KMT2C: variants seen among roughly 807,000 people sequenced by gnomAD.
KMT2C encodes histone-lysine N-methyltransferase 2C.
KMT2C carries 88 observed loss-of-function variants against 507.9 expected under a neutral mutation model. The observed-to-expected ratio is 0.17, with a 90% CI of 0.15 to 0.21. KMT2C has a LOEUF of 0.21. Among genes scored for constraint, KMT2C ranks in the 10% least tolerant of loss-of-function variants. KMT2C has a pLI of 1.00. For synonymous variants in KMT2C, 2,049 were observed against 2,080.8 expected (o/e 0.98, Z 0.42); for missense variants, 4,954 against 5,957.8 (o/e 0.83, Z 5.55).
chr7:152,227,953 G>C lies in KMT2C; in HGVS notation c.2976+1970C>G, dbSNP rs562111940. 2.6e-5 allele frequency among the ~76,000 whole-genome samples: 4 copies of C among 152,246 alleles called. No individual in the cohort carries two copies. In the East Asian group the frequency reaches 7.7e-4, roughly 29 times the overall value. On this transcript the variant is annotated intron_variant, in intron 18 of 58. Transcript: ENST00000262189. ...CAGAAAGGCCAAGTCTTAAGTATAG[G>C]GTTAAATTAATGCTAGGACCGCAGC...
rs1022475394 is a variant in KMT2C at position 152,176,635 on chromosome 7, G to T, written c.8818C>A (p.Pro2940Thr). 14 of 1,614,182 alleles carry T rather than the reference G, an allele frequency of 8.7e-6. No homozygotes were observed. Among genetic ancestry groups the T allele is most frequent in the Non-Finnish European group, 1.2e-5 (14 of 1,180,034 alleles). ...SDIRPSGSPP[P>T]PTLPASPSNH... ...GATGGGGAGGCCGGCAGAGTTGGTG[G>T]TGGTGGAGACCCCGATGGCCTAATG... Residue 2940 changes from proline (P) to threonine (T), a missense_variant, in exon 38 of 59, where the codon CCA becomes ACA. Around this residue, in one of 29 missense-constraint regions of KMT2C, gnomAD observed 1,689 missense variants for 1,654.3 expected, o/e 1.02. Coordinates refer to ENST00000262189, the MANE Select transcript of KMT2C (RefSeq NM_170606.3).
intron 6 of KMT2C, among the ~76,000 whole-genome samples, chr7:152,304,679 C>T (rs1315580546): frequency 6.6e-6 from 1 of 152,074 alleles, no homozygotes; most frequent in Non-Finnish European, 1.5e-5. Flanking sequence ...TACTCAGCTA[C>T]ATAATAAAGG....
intron 1 of KMT2C, among the ~76,000 whole-genome samples, chr7:152,372,616 T>C (rs1381972522): frequency 6.6e-6 from 1 of 152,130 alleles, no homozygotes; most frequent in Non-Finnish European, 1.5e-5. Context: ...AAATAGACTT[T>C]GAGTCAAAAA....
rs1371480454 is a variant in KMT2C at position 152,163,415 on chromosome 7, T to A, written c.10162A>T (p.Asn3388Tyr). ...GPPPRVEFDDNNPFSESFQER... is the reference protein window; with the variant it reads ...GPPPRVEFDDYNPFSESFQER... ...TGAAAACTTTCACTAAAGGGATTGT[T>A]GTCATCAAATTCTACCCGAGGTGGT... is the stretch of plus-strand genomic sequence containing the variant. The change falls in exon 43 of 59, where the codon AAC (asparagine) becomes TAC (tyrosine). Residue 3388 changes from asparagine to tyrosine, a missense_variant. Asn to Tyr is a moderately radical substitution (Grantham distance 143). This residue lies in a region of KMT2C where 801 missense variants were observed against 751.2 expected (regional missense o/e 1.07). Transcript: ENST00000262189. 1 of 1,614,134 alleles carries A rather than the reference T, an allele frequency of 6.2e-7. No individual in the cohort carries two copies. The highest frequency in any genetic ancestry group is 8.5e-7 in the Non-Finnish European group (1 of 1,180,064).
intron 1 of KMT2C, among the ~76,000 whole-genome samples, chr7:152,385,671 A>T (rs1484519880): frequency 6.7e-6 from 1 of 148,508 alleles, no homozygotes; most frequent in Non-Finnish European, 1.5e-5. Flanking sequence ...TTACCTGAAC[A>T]TAGAATATGA....
At chr7:152,315,419 T>G in intron 3 of KMT2C, 81 bp from the exon 4 acceptor site, 1 of 974,030 alleles carries the variant, frequency 1.0e-6, no homozygotes, top group African/African-American at 1.6e-5. Flanking sequence ...TAGATACTTG[T>G]GCTTTTAAAT....
At chr7:152,391,167 A>AG (rs2097492881) in intron 1 of KMT2C, among the ~76,000 whole-genome samples, 1 of 144,674 alleles carries the variant, frequency 6.9e-6, no homozygotes, top group Non-Finnish European at 1.5e-5. Context: ...AAAAAAAAAA[A>AG]GCCTTAAAAT....
intron 23 of KMT2C, among the ~76,000 whole-genome samples, chr7:152,219,520 AG>A (rs1306606359): frequency 6.6e-6 from 1 of 152,028 alleles, no homozygotes; most frequent in Non-Finnish European, 1.5e-5. Flanking sequence ...CTGAGGCAGA[AG>A]GATCACTTGA....
chr7:152,209,061 A>C (rs2094386187), intron 23 of KMT2C, among the ~76,000 whole-genome samples: 1 of 151,846 alleles, frequency 6.6e-6, no homozygotes, highest in Admixed American at 6.6e-5. Flanking sequence ...CAGGAGGCTG[A>C]GGCAGGAGAA....
intron 1 of KMT2C, among the ~76,000 whole-genome samples, chr7:152,391,167 A>AAAAAAAAAT (rs2097492772): frequency 6.9e-6 from 1 of 144,674 alleles, no homozygotes; most frequent in Non-Finnish European, 1.5e-5. Context: ...AAAAAAAAAA[A>AAAAAAAAAT]GCCTTAAAAT....
chr7:152,427,891 T>G (rs914449972), intron 1 of KMT2C, among the ~76,000 whole-genome samples: 26 of 152,200 alleles, frequency 1.7e-4, no homozygotes, highest in African/African-American at 6.3e-4. Flanking sequence ...ATTCCTCCTT[T>G]GCAGTGACTG....
At position 152,138,550 on chromosome 7, in the gene KMT2C, G is replaced by A. The variant is rs1379592290; in HGVS notation, c.14643+246C>T. Reference sequence around the variant, plus strand: ...ACCACCTGGGTGCCATGGGGATGCTGAACCCGTGGCACAGAAGGGAAGGGA... The same window carrying A: ...ACCACCTGGGTGCCATGGGGATGCTAAACCCGTGGCACAGAAGGGAAGGGA... On this transcript the variant is annotated intron_variant, in intron 58 of 58. Transcript: ENST00000262189. The surrounding 1 kb of genome is among the most constrained non-coding windows in gnomAD (Gnocchi z 4.2). 3 of 382,938 alleles carry A rather than the reference G, an allele frequency of 7.8e-6. No homozygotes were observed. Among genetic ancestry groups the A allele is most frequent in the Non-Finnish European group, 4.7e-6 (1 of 211,872 alleles). The allele number at this position is 382,938 out of a possible 1,614,324, so 23.7% of individuals were successfully genotyped here. A position where few individuals can be genotyped will look rare whatever the true frequency, so the allele number is the denominator to read the frequency against.
chr7:152,139,943 T>C, intron 55 of KMT2C, 152 bp from the exon 56 acceptor site: 1 of 639,576 alleles, frequency 1.6e-6, no homozygotes, highest in Non-Finnish European at 2.8e-6. Context: ...TTTTCTGAAA[T>C]TTTAAAAATT....
chr7:152,235,241 G>A (rs555785530), intron 16 of KMT2C, among the ~76,000 whole-genome samples: 2 of 136,574 alleles, frequency 1.5e-5, no homozygotes, highest in East Asian at 2.4e-4. Flanking sequence ...TTATGGAATT[G>A]TACATGTCAA....
At chr7:152,368,791 T>C in intron 1 of KMT2C, 1 of 700,908 alleles carries the variant, frequency 1.4e-6, no homozygotes, top group Non-Finnish European at 2.4e-6. Flanking sequence ...GTGACAAAAA[T>C]TATTTTTTCT....
Position 152,187,740 on chromosome 7 carries a change from C to G in KMT2C, c.4768G>C (p.Ala1590Pro), listed in dbSNP as rs1455786591. ...GSGLGTFSAI[A>P]QSSYPDARDK... ...CTGGCATCAGGATAAGAGGATTGTG[C>G]AATTGCAGAGAAAGTTCCCAGTCCG... The change falls in exon 32 of 59, where the codon GCA (alanine) becomes CCA (proline). Residue 1590 changes from alanine (A) to proline (P), a missense_variant. Physicochemically the swap from Ala to Pro is conservative, Grantham distance 27. Around this residue, in one of 29 missense-constraint regions of KMT2C, gnomAD observed 195 missense variants for 183.7 expected, o/e 1.06. Transcript: ENST00000262189. The G allele has an allele frequency of 1.9e-6, 3 of 1,613,998 alleles. No individual in the cohort carries two copies. Among genetic ancestry groups the G allele is most frequent in the Non-Finnish European group, 1.7e-6 (2 of 1,179,966 alleles).
chr7:152,162,400 T>A lies in KMT2C; in HGVS notation c.11177A>T (p.Glu3726Val). The change falls in exon 43 of 59, where the codon GAG (glutamate) becomes GTG (valine). Residue 3726 changes from glutamate (E) to valine (V), a missense_variant. Physicochemically the swap from Glu to Val is moderately radical, Grantham distance 121. Coordinates refer to ENST00000262189, the MANE Select transcript of KMT2C (RefSeq NM_170606.3). ...AGGCTCCTCTTGGCCTGGGCAGGAC[T>A]CTGTCTCAGCCTTTTCCAGTTTTAT... ...EEIKLEKAETESCPGQEEPKL... is the reference protein window; with the variant it reads ...EEIKLEKAETVSCPGQEEPKL... The A allele has an allele frequency of 6.2e-7, 1 of 1,614,258 alleles. No individual in the cohort carries two copies. Among genetic ancestry groups the A allele is most frequent in the African/African-American group, 1.3e-5 (1 of 75,070 alleles).
In KMT2C at chr7:152,178,010, T is replaced by C. The variant is rs748029485; in HGVS notation, c.7443A>G (p.Arg2481=). ...CATGACTACCTCCTGGAAATCCAAA[T>C]CTTTTAAAAAAAAAAAAAAAAAAAA... ...ASMGMRPHGF[R]FGFPGGSHGT... The change falls in exon 38 of 59, where the codon AGA becomes AGG. Residue 2481 remains arginine, a splice_region_variant and synonymous_variant. Transcript: ENST00000262189. 3 of 466,158 alleles carry C rather than the reference T, an allele frequency of 6.4e-6. No homozygotes were observed. The highest frequency in any genetic ancestry group is 8.6e-6 in the Non-Finnish European group (3 of 346,956). 28.9% of individuals were successfully genotyped at this position (466,158 alleles called of 1,614,324 possible).
intron 4 of KMT2C, chr7:152,312,374 A>G (rs563151053): frequency 6.5e-6 from 1 of 152,762 alleles, no homozygotes; most frequent in Non-Finnish European, 1.5e-5. Context: ...GGACTGCCAC[A>G]ACAGAGGTGG....
Sources: gnomAD v4.1 joint callset for allele counts (sites outside exome capture counted in the v4.1 genomes callset) on GRCh38, gnomAD v4.1.1 for gene constraint, gnomAD v4.1.1 regional missense constraint, Gnocchi (gnomAD v3.1) non-coding constraint, MANE v1.5 for transcripts, NCBI Gene and HGNC (gene_info 2026-07-23, HGNC 2026-07-21) for gene names.